Variants in ADCY2 observed in about 807,000 individuals in gnomAD.
The protein encoded by ADCY2 is adenylate cyclase 2, also known as adenylate cyclase type 2.
Under a neutral mutation model 125.2 loss-of-function variants are expected in ADCY2, and 31 were observed. The observed-to-expected ratio is 0.25, with a 90% confidence interval of 0.19 to 0.33. ADCY2 has a LOEUF of 0.33. Ranked by LOEUF, ADCY2 falls within the 10% of genes least tolerant of loss-of-function variation. ADCY2 has a pLI of 1.00. For missense variants in ADCY2, 904 were observed against 1,418.2 expected, an observed-to-expected ratio of 0.64 and a Z score of 5.82; for synonymous variants, 512 against 548.4, an observed-to-expected ratio of 0.93 and a Z score of 0.93.
chr5:7,715,140 A>G (rs1237794565), intron 11 of ADCY2, among the ~76,000 whole-genome samples: 1 of 152,230 alleles, frequency 6.6e-6, no homozygotes, highest in Non-Finnish European at 1.5e-5. Flanking sequence ...GGCAGAGGTC[A>G]CAAGACTGCA....
chr5:7,457,643 G>A (rs887981863), intron 2 of ADCY2, among the ~76,000 whole-genome samples: 2 of 152,168 alleles, frequency 1.3e-5, no homozygotes, highest in Admixed American at 6.5e-5. Flanking sequence ...GCAGGGAGGG[G>A]ATAACGTTTT....
intron 20 of ADCY2, chr5:7,797,979 G>C (rs947071437): frequency 7.2e-5 from 11 of 152,496 alleles, no homozygotes; most frequent in African/African-American, 2.7e-4. Flanking sequence ...TGCTGATGGG[G>C]CATCTGGGCA....
At position 7,732,056 on chromosome 5, in the gene ADCY2, C is replaced by T. The variant is rs1425691784; in HGVS notation, c.1871+4795C>T. On this transcript the variant is annotated intron_variant, in intron 14 of 24. Coordinates refer to ENST00000338316, the MANE Select transcript of ADCY2 (RefSeq NM_020546.3). ...TGGGTCCATGGTAGTCTTGTATGTTCTGAGTTGTAATGGCATCACTATGGG... is the reference window on the plus strand; with the variant it reads ...TGGGTCCATGGTAGTCTTGTATGTTTTGAGTTGTAATGGCATCACTATGGG... 2.0e-5 allele frequency among the ~76,000 whole-genome samples: 3 copies of T among 152,168 alleles called. No individual in the cohort carries two copies. The East Asian group carries it at 5.8e-4, about 29-fold the overall frequency.
chr5:7,569,893 G>A (rs564211005), intron 3 of ADCY2, among the ~76,000 whole-genome samples: 3 of 152,126 alleles, frequency 2.0e-5, no homozygotes, highest in Non-Finnish European at 2.9e-5. Flanking sequence ...CTACTCACAC[G>A]TGTATGGGAA....
intron 4 of ADCY2, among the ~76,000 whole-genome samples, chr5:7,680,256 T>C (rs1740285213): frequency 6.6e-6 from 1 of 152,180 alleles, no homozygotes; most frequent in Admixed American, 6.5e-5. Context: ...GGTACTAAAG[T>C]CTAGTCTATG....
At chr5:7,587,607 G>T (rs1736675523) in intron 3 of ADCY2, among the ~76,000 whole-genome samples, 1 of 152,174 alleles carries the variant, frequency 6.6e-6, no homozygotes, top group African/African-American at 2.4e-5. Context: ...CTTAGGTAGG[G>T]CCAGGTGCCT....
At chr5:7,505,140 T>G (rs955443584) in intron 2 of ADCY2, among the ~76,000 whole-genome samples, 1 of 152,158 alleles carries the variant, frequency 6.6e-6, no homozygotes. Flanking sequence ...TACCTTGGCC[T>G]CCCAAAGTGC....
intron 3 of ADCY2, among the ~76,000 whole-genome samples, chr5:7,548,509 T>C (rs1735221974): frequency 6.6e-6 from 1 of 152,078 alleles, no homozygotes. Flanking sequence ...GCTGGCAGAG[T>C]GAGCATGAAC....
intron 20 of ADCY2, chr5:7,798,573 CTTTTTTT>C (rs150114974): frequency 1.7e-5 from 2 of 115,344 alleles, no homozygotes; most frequent in African/African-American, 6.6e-5. Flanking sequence ...TTGACTATTT[CTTTTTTT>C]TTTCTTTTTT....
intron 2 of ADCY2, among the ~76,000 whole-genome samples, chr5:7,515,867 G>C (rs1220609536): frequency 6.6e-6 from 1 of 152,128 alleles, no homozygotes; most frequent in East Asian, 1.9e-4. Context: ...CAAATAAATG[G>C]GGACTTTAAA....
chr5:7,744,381 A>C (rs1579382213), intron 15 of ADCY2, among the ~76,000 whole-genome samples: 1 of 152,182 alleles, frequency 6.6e-6, no homozygotes, highest in Non-Finnish European at 1.5e-5. Context: ...CAGAACTTAA[A>C]GTAAAATTTA....
intron 2 of ADCY2, among the ~76,000 whole-genome samples, chr5:7,430,554 T>TATACTATATATATATAATATATC (rs1561021445): frequency 6.8e-6 from 1 of 148,034 alleles, no homozygotes; most frequent in African/African-American, 2.5e-5. Flanking sequence ...TATAGTATAT[T>TATACTATATATATATAATATATC]GATATACTAT....
At chr5:7,397,454 T>G (rs1013500796) in intron 1 of ADCY2, among the ~76,000 whole-genome samples, 6 of 145,420 alleles carry the variant, frequency 4.1e-5, no homozygotes, top group Admixed American at 1.4e-4. Context: ...AGTTTTTTTT[T>G]TTTTTTTTTT....
At chr5:7,408,976 A>T (rs750704990) in intron 1 of ADCY2, among the ~76,000 whole-genome samples, 2 of 152,360 alleles carry the variant, frequency 1.3e-5, no homozygotes, top group East Asian at 1.9e-4. Flanking sequence ...CATGGAATCA[A>T]CCTAAATGCC....
chr5:7,826,553 C>A, intron 24 of ADCY2, 166 bp from the exon 25 acceptor site: 3 of 889,486 alleles, frequency 3.4e-6, no homozygotes, highest in Non-Finnish European at 5.5e-6. Flanking sequence ...TTGTCCTTTA[C>A]AACCTTTTTT....
At chr5:7,439,627 A>C (rs958502321) in intron 2 of ADCY2, among the ~76,000 whole-genome samples, 1 of 152,212 alleles carries the variant, frequency 6.6e-6, no homozygotes, top group Non-Finnish European at 1.5e-5. Flanking sequence ...ATTCTCTATT[A>C]GAACACTTGT....
At chr5:7,464,841 C>A (rs181676986) in intron 2 of ADCY2, among the ~76,000 whole-genome samples, 6 of 152,170 alleles carry the variant, frequency 3.9e-5, no homozygotes, top group African/African-American at 1.2e-4. Context: ...ACTAATATCA[C>A]AAAATTAAAT....
At chr5:7,784,817 A>G (rs906793452) in intron 19 of ADCY2, among the ~76,000 whole-genome samples, 1 of 151,722 alleles carries the variant, frequency 6.6e-6, no homozygotes, top group South Asian at 2.1e-4. Flanking sequence ...TTTCATTTGC[A>G]TTTCAGAATA....
intron 15 of ADCY2, among the ~76,000 whole-genome samples, chr5:7,755,391 A>C (rs898239930): frequency 2.0e-5 from 3 of 151,222 alleles, no homozygotes; most frequent in Admixed American, 6.6e-5. Flanking sequence ...TTTTCCTATC[A>C]GGAGCTGGAA....
Sources: gnomAD v4.1 joint callset for allele counts (sites outside exome capture counted in the v4.1 genomes callset) on GRCh38, gnomAD v4.1.1 for gene constraint, MANE v1.5 for transcripts, NCBI Gene and HGNC (gene_info 2026-07-23, HGNC 2026-07-21) for gene names.